Variants in TMEM132B observed in about 807,000 individuals in gnomAD.
The protein encoded by TMEM132B is transmembrane protein 132B.
Under a neutral mutation model 90.8 loss-of-function variants are expected in TMEM132B, and 18 were observed. That is an observed-to-expected ratio of 0.20 (90% confidence interval 0.14 to 0.29). TMEM132B has a LOEUF of 0.29. TMEM132B is among the 10% of genes least tolerant of loss of function. The probability of loss-of-function intolerance (pLI) is 1.00; values close to 1 mark genes in which losing one functional copy is unlikely to be tolerated. For missense variants in TMEM132B, 1,096 were observed against 1,326.8 expected, an observed-to-expected ratio of 0.83 and a Z score of 2.70; for synonymous variants, 504 against 523.3, an observed-to-expected ratio of 0.96 and a Z score of 0.50.
intron 2 of TMEM132B, among the ~76,000 whole-genome samples, chr12:125,359,665 G>A (rs142587511): frequency 0.011 from 1,748 of 152,244 alleles, 37 homozygotes; most frequent in African/African-American, 0.039. Flanking sequence ...GAACAAAAGC[G>A]AAAACTTGTA....
chr12:125,321,384 C>T lies in TMEM132B; in HGVS notation c.68-28068C>T, dbSNP rs569291258. ...GGAATGACTAAAATAAAAAACCTGGCGATATCAAGTTTTTGCAAGGATGTG... is the reference window on the plus strand; with the variant it reads ...GGAATGACTAAAATAAAAAACCTGGTGATATCAAGTTTTTGCAAGGATGTG... On this transcript the variant is annotated intron_variant, in intron 1 of 8. Transcript: ENST00000682704. Among the ~76,000 whole-genome samples the T allele has an allele frequency of 1.2e-3, 189 of 151,868 alleles. 1 individual carries two copies. The highest frequency in any genetic ancestry group is 0.01 in the Middle Eastern group (3 of 294).
intron 5 of TMEM132B, among the ~76,000 whole-genome samples, chr12:125,601,392 A>T (rs529297595): frequency 6.6e-6 from 1 of 152,210 alleles, no homozygotes; most frequent in Non-Finnish European, 1.5e-5. Context: ...TAAAGATAGA[A>T]ATCAAGAAGT....
chr12:125,517,386 G>A (rs1335012656), intron 3 of TMEM132B, among the ~76,000 whole-genome samples: 1 of 130,544 alleles, frequency 7.7e-6, no homozygotes, highest in South Asian at 2.6e-4. Flanking sequence ...TAGAGACGGG[G>A]TTTCACTATG....
chr12:125,336,319 T>C (rs183303292), intron 1 of TMEM132B, among the ~76,000 whole-genome samples: 68 of 152,300 alleles, frequency 4.5e-4, no homozygotes, highest in African/African-American at 1.6e-3. Context: ...TGCCTGTCCA[T>C]CATTTGCTCC....
At chr12:125,397,041 G>A (rs564285011) in intron 2 of TMEM132B, among the ~76,000 whole-genome samples, 192 of 151,268 alleles carry the variant, frequency 1.3e-3, no homozygotes, top group East Asian at 1.9e-3. Flanking sequence ...GCGTGATCTC[G>A]GCTCACTGCA....
chr12:125,505,030 G>A lies in TMEM132B; in HGVS notation c.1107-14409G>A, dbSNP rs143802045. Among the ~76,000 whole-genome samples the A allele has an allele frequency of 1.2e-3, 178 of 152,038 alleles. 1 individual carries two copies. Among genetic ancestry groups the A allele is most frequent in the East Asian group, 8.7e-3 (45 of 5,168 alleles). On this transcript the variant is annotated intron_variant, in intron 3 of 8. Transcript: ENST00000682704. ...GCTTAACTCCCTATTTAATAAAAAA[G>A]TAACAACATGATTCTTCAGACATGT...
intron 5 of TMEM132B, among the ~76,000 whole-genome samples, chr12:125,631,495 A>G (rs558573893): frequency 8.5e-5 from 13 of 152,294 alleles, no homozygotes; most frequent in Non-Finnish European, 1.9e-4. Context: ...GTAAATATCT[A>G]TTAAATCCAT....
Position 125,282,882 on chromosome 12 carries a change from C to T in TMEM132B, c.68-66570C>T, listed in dbSNP as rs542273575. Among the ~76,000 whole-genome samples the T allele has an allele frequency of 2.6e-5, 4 of 152,220 alleles. No homozygotes were observed. In the South Asian group the frequency reaches 6.2e-4, roughly 24 times the overall value. On this transcript the variant is annotated intron_variant, in intron 1 of 8. Coordinates refer to ENST00000682704, the MANE Select transcript of TMEM132B (RefSeq NM_001366854.1). ...GTGTTCTCTTTCTTTCCTTCCTGGC[C>T]CTGGTTCCTTGAACAACCATTCCAA...
chr12:125,462,481 G>A (rs1237136728), intron 3 of TMEM132B, among the ~76,000 whole-genome samples: 3 of 152,068 alleles, frequency 2.0e-5, no homozygotes, highest in South Asian at 4.1e-4. Context: ...TATGAGAAAT[G>A]CCATGAAAAA....
In TMEM132B at chr12:125,190,652, ATGGTGATGGGGAAGGGG is replaced by A. The variant is rs1454931931; in HGVS notation, c.67+3813_67+3829del. Among the ~76,000 whole-genome samples the A allele has an allele frequency of 4.8e-3, 91 of 19,072 alleles. 7 individuals carry two copies. Among genetic ancestry groups the A allele is most frequent in the Non-Finnish European group, 6.1e-3 (65 of 10,616 alleles). 12.5% of individuals were successfully genotyped at this position (19,072 alleles called of 152,430 possible). On this transcript the variant is annotated intron_variant, in intron 1 of 8. Transcript: ENST00000682704. The stretch of plus-strand genomic sequence containing the variant: ...TGATGGTGATGGGGAAGGGGTGGCG[ATGGTGATGGGGAAGGGG>A]TGGTGATGGGGAAGGGGTGGTGATG...
chr12:125,343,328 T>C (rs1877252692), intron 1 of TMEM132B, among the ~76,000 whole-genome samples: 1 of 151,824 alleles, frequency 6.6e-6, no homozygotes, highest in Non-Finnish European at 1.5e-5. Flanking sequence ...TTTCCTGCTC[T>C]ACCTGAGAAT....
chr12:125,517,327 A>ATTTTTTTTT (rs56147854), intron 3 of TMEM132B, among the ~76,000 whole-genome samples: 4 of 28,414 alleles, frequency 1.4e-4, no homozygotes, highest in Non-Finnish European at 2.9e-4. Flanking sequence ...TGCCCTGCTG[A>ATTTTTTTTT]TTTTTTTTTT....
intron 1 of TMEM132B, among the ~76,000 whole-genome samples, chr12:125,296,751 C>G (rs1271967555): frequency 1.3e-5 from 2 of 152,220 alleles, no homozygotes; most frequent in South Asian, 2.1e-4. Context: ...AAGTGTCTTT[C>G]CATCCCACTC....
At chr12:125,198,681 T>C (rs945478536) in intron 1 of TMEM132B, among the ~76,000 whole-genome samples, 3 of 152,234 alleles carry the variant, frequency 2.0e-5, no homozygotes, top group Admixed American at 6.5e-5. Context: ...GCAGAGGTTA[T>C]TTCCCAAAGG....
intron 1 of TMEM132B, among the ~76,000 whole-genome samples, chr12:125,250,695 A>G (rs1033136815): frequency 2.0e-5 from 3 of 152,158 alleles, no homozygotes; most frequent in African/African-American, 7.2e-5. Flanking sequence ...CCTTCCCTGA[A>G]GCAGTGAGCC....
Position 125,406,274 on chromosome 12 carries a change from C to T in TMEM132B, c.960-9257C>T, listed in dbSNP as rs1488012836. On this transcript the variant is annotated intron_variant, in intron 2 of 8. Coordinates refer to ENST00000682704, the MANE Select transcript of TMEM132B (RefSeq NM_001366854.1). This position sits in a 1 kb window ranked among gnomAD's most constrained non-coding sequence, Gnocchi z 8.3. ...CACAATTTGCCTGTCTAGTGATGCT[C>T]ATCAAGTTTCCTCATGTGGAAAATG... Among the ~76,000 whole-genome samples the T allele has an allele frequency of 1.3e-5, 2 of 152,202 alleles. No homozygotes were observed. The highest frequency in any genetic ancestry group is 6.5e-5 in the Admixed American group (1 of 15,282).
At chr12:125,305,799 C>T (rs919932092) in intron 1 of TMEM132B, among the ~76,000 whole-genome samples, 2 of 152,306 alleles carry the variant, frequency 1.3e-5, no homozygotes, top group East Asian at 3.9e-4. Context: ...ATGGACTGTT[C>T]GTGTTGCTTC....
At chr12:125,477,774 G>T (rs9919751) in intron 3 of TMEM132B, among the ~76,000 whole-genome samples, 4 of 152,028 alleles carry the variant, frequency 2.6e-5, no homozygotes, top group South Asian at 4.2e-4. Flanking sequence ...CTGAGAATGG[G>T]TGGACTGCCC....
rs767867995 is a variant in TMEM132B, at chr12:125,349,945, G to C, written c.561G>C (p.Leu187=). The change falls in exon 2 of 9, where the codon CTG becomes CTC. Residue 187 remains leucine, a synonymous_variant. Coordinates refer to ENST00000682704, the MANE Select transcript of TMEM132B (RefSeq NM_001366854.1). The surrounding 1 kb of genome is among the most constrained non-coding windows in gnomAD (Gnocchi z 4.1). ...ASCRLQGAPG[L]CVAELELLPE... is the part of the protein sequence containing the mutation. ...GTCGGCTGCAAGGGGCCCCAGGGCTGTGTGTGGCTGAGCTGGAGCTGCTGC... is the reference window on the plus strand; with the variant it reads ...GTCGGCTGCAAGGGGCCCCAGGGCTCTGTGTGGCTGAGCTGGAGCTGCTGC... 6.2e-7 allele frequency: 1 copy of C among 1,614,218 alleles called. No homozygotes were observed. Among genetic ancestry groups the C allele is most frequent in the East Asian group, 2.2e-5 (1 of 44,888 alleles).
Sources: gnomAD v4.1 joint callset for allele counts (sites outside exome capture counted in the v4.1 genomes callset) on GRCh38, gnomAD v4.1.1 for gene constraint, Gnocchi (gnomAD v3.1) non-coding constraint, MANE v1.5 for transcripts, NCBI Gene and HGNC (gene_info 2026-07-23, HGNC 2026-07-21) for gene names.